Variants in MRC1 observed in about 807,000 individuals in gnomAD.
MRC1 encodes mannose receptor C-type 1.
A neutral mutation model predicts 102.9 loss-of-function variants in MRC1; 62 were observed. The observed-to-expected ratio is 0.60, with a 90% CI of 0.49 to 0.74. MRC1 has a LOEUF of 0.74. MRC1 is among the 30% of genes least tolerant of loss of function. MRC1 has a pLI of 0.00. For synonymous variants in MRC1, 457 were observed against 298.4 expected, an observed-to-expected ratio of 1.53 and a Z score of -5.48; for missense variants, 1,237 against 862.8, an observed-to-expected ratio of 1.43 and a Z score of -5.43.
rs1367320854 is a variant in MRC1 at position 17,881,121 on chromosome 10, C to T, written c.2920C>T (p.Arg974Ter). The change falls in exon 21 of 30, where the codon CGA becomes TGA. Residue 974 changes from arginine (R) to a stop codon, truncating the protein, a stop_gained. Coordinates refer to ENST00000569591, the MANE Select transcript of MRC1 (RefSeq NM_002438.4). LOFTEE classifies it high-confidence loss of function. ...AGAAAGAAAAAATTGGCAAGAGGCACGAAAAGCTTGTATAGGCTTTGGAGG... is the reference window on the plus strand; with the variant it reads ...AGAAAGAAAAAATTGGCAAGAGGCATGAAAAGCTTGTATAGGCTTTGGAGG... ...EEERKNWQEA[R>*]KACIGFGGNL... is the part of the protein sequence containing the mutation. The T allele has an allele frequency of 6.4e-6, 5 of 780,616 alleles. No individual in the cohort carries two copies. Among genetic ancestry groups the T allele is most frequent in the East Asian group, 2.4e-5 (1 of 41,226 alleles). The allele number at this position is 780,616 out of a possible 1,614,324, so 48.4% of individuals were successfully genotyped here.
chr10:17,862,218 A>G (rs1054777273), intron 10 of MRC1, among the ~76,000 whole-genome samples: 7 of 149,246 alleles, frequency 4.7e-5, no homozygotes, highest in African/African-American at 1.7e-4. Flanking sequence ...GATACTGTTG[A>G]TATTAAAAAA....
intron 9 of MRC1, among the ~76,000 whole-genome samples, chr10:17,859,738 T>C (rs1833152249): frequency 6.6e-6 from 1 of 152,222 alleles, no homozygotes; most frequent in East Asian, 1.9e-4. Flanking sequence ...TGCATTCTAC[T>C]TCTTGGAGTG....
At chr10:17,843,250 T>C (rs1838776826) in intron 5 of MRC1, among the ~76,000 whole-genome samples, 1 of 152,258 alleles carries the variant, frequency 6.6e-6, no homozygotes, top group Admixed American at 6.5e-5. Context: ...AGTTTCTTTT[T>C]AGTGCTGATA....
In MRC1 at chr10:17,862,771, A is replaced by G. The variant is rs946498121; in HGVS notation, c.1635-763A>G. ...CTTCCTGCTCTCTCTGAAGTCATCTACAACTCTCTCCGTTTCTGGAAACTT... is the reference window on the plus strand; with the variant it reads ...CTTCCTGCTCTCTCTGAAGTCATCTGCAACTCTCTCCGTTTCTGGAAACTT... On this transcript the variant is annotated intron_variant, in intron 10 of 29. Transcript: ENST00000569591. 1.9e-4 allele frequency: 29 copies of G among 152,338 alleles called. No homozygotes were observed. In the East Asian group the frequency reaches 4.2e-3, roughly 22 times the overall value. The allele number at this position is 152,338 out of a possible 1,614,324, so 9.4% of individuals were successfully genotyped here.
At chr10:17,898,885 CCTT>C (rs1833791115) in intron 24 of MRC1, among the ~76,000 whole-genome samples, 1 of 152,140 alleles carries the variant, frequency 6.6e-6, no homozygotes, top group Non-Finnish European at 1.5e-5. Flanking sequence ...CTCTATTCAT[CCTT>C]CTAGCTAGCC....
At chr10:17,866,414 G>C (rs1554841487) in intron 11 of MRC1, 148 bp from the exon 12 acceptor site, 1 of 716,026 alleles carries the variant, frequency 1.4e-6, no homozygotes, top group African/African-American at 1.8e-5. Context: ...CCAAATGTTA[G>C]AAATATAAAG....
intron 12 of MRC1, among the ~76,000 whole-genome samples, chr10:17,868,192 A>G (rs1368038408): frequency 4.6e-5 from 7 of 152,194 alleles, no homozygotes; most frequent in African/African-American, 1.7e-4. Context: ...AAATGTACCT[A>G]CTGTGTTAGT....
intron 22 of MRC1, among the ~76,000 whole-genome samples, chr10:17,891,683 T>C (rs1833678838): frequency 6.6e-6 from 1 of 152,174 alleles, no homozygotes; most frequent in Non-Finnish European, 1.5e-5. Flanking sequence ...GGTTTCATGT[T>C]TACTTAGCTA....
chr10:17,887,138 T>A (rs1409311753), intron 22 of MRC1, among the ~76,000 whole-genome samples: 1 of 152,094 alleles, frequency 6.6e-6, no homozygotes, highest in African/African-American at 2.4e-5. Flanking sequence ...ACTTCTCTAA[T>A]AACATTGCTT....
At chr10:17,900,604 G>T (rs1833816270) in intron 24 of MRC1, among the ~76,000 whole-genome samples, 184 bp from the exon 25 acceptor site, 1 of 152,140 alleles carries the variant, frequency 6.6e-6, no homozygotes, top group East Asian at 1.9e-4. Context: ...CTGTTTCTAA[G>T]AAAGGCTGCA....
chr10:17,816,044 G>A (rs984223059), intron 1 of MRC1, among the ~76,000 whole-genome samples: 3 of 152,046 alleles, frequency 2.0e-5, no homozygotes, highest in Non-Finnish European at 4.4e-5. Flanking sequence ...GGCTGATCTC[G>A]AACTCCTGAC....
At chr10:17,881,002 A>C in intron 20 of MRC1, 65 bp from the exon 21 acceptor site, 1 of 777,588 alleles carries the variant, frequency 1.3e-6, no homozygotes, top group South Asian at 1.4e-5. Context: ...TTGTAGAGCA[A>C]AGTTGATCAT....
intron 22 of MRC1, among the ~76,000 whole-genome samples, chr10:17,891,483 T>C (rs1833675453): frequency 1.3e-5 from 2 of 152,232 alleles, no homozygotes; most frequent in East Asian, 3.9e-4. Flanking sequence ...TTTTATTACA[T>C]ATTACAGTGT....
intron 9 of MRC1, among the ~76,000 whole-genome samples, chr10:17,860,274 G>GT (rs35809277): frequency 0.23 from 32,848 of 142,534 alleles, 3,797 homozygotes; most frequent in African/African-American, 0.25. Flanking sequence ...TAGCATTTCT[G>GT]TTTTTTTTTT....
intron 12 of MRC1, among the ~76,000 whole-genome samples, chr10:17,869,439 T>G (rs1478906264): frequency 1.3e-5 from 2 of 151,952 alleles, no homozygotes; most frequent in South Asian, 2.1e-4. Flanking sequence ...GGAAGCAAAT[T>G]TTTTTTCCCA....
chr10:17,898,653 T>A (rs1554843526), intron 24 of MRC1, among the ~76,000 whole-genome samples: 137,551 of 151,920 alleles, frequency 0.91, 62,311 homozygotes, highest in Non-Finnish European at 0.92. Flanking sequence ...GACAATTTTT[T>A]TTTGTTGTGG....
intron 5 of MRC1, among the ~76,000 whole-genome samples, chr10:17,844,409 G>A (rs1838795251): frequency 6.6e-6 from 1 of 151,536 alleles, no homozygotes; most frequent in Non-Finnish European, 1.5e-5. Context: ...TAGTAGAAAT[G>A]GGGTTTCATT....
intron 22 of MRC1, among the ~76,000 whole-genome samples, chr10:17,889,548 G>T (rs1833645605): frequency 6.6e-6 from 1 of 152,132 alleles, no homozygotes; most frequent in East Asian, 1.9e-4. Context: ...TTACAGGCAT[G>T]AGCCACCACT....
At chr10:17,817,724 CTGTGT>C (rs1838334009) in intron 1 of MRC1, among the ~76,000 whole-genome samples, 2 of 152,116 alleles carry the variant, frequency 1.3e-5, no homozygotes, top group Non-Finnish European at 2.9e-5. Flanking sequence ...AACAGATCGA[CTGTGT>C]CGATCTGTTC....
Sources: gnomAD v4.1 joint callset for allele counts (sites outside exome capture counted in the v4.1 genomes callset) on GRCh38, gnomAD v4.1.1 for gene constraint, MANE v1.5 for transcripts, NCBI Gene and HGNC (gene_info 2026-07-23, HGNC 2026-07-21) for gene names.